Variants in ATG13 observed in about 807,000 individuals in gnomAD.
The protein encoded by ATG13 is autophagy related 13, also known as autophagy-related protein 13.
ATG13 carries 23 observed loss-of-function variants against 65.5 expected under a neutral mutation model. The observed-to-expected ratio is 0.35, with a 90% CI of 0.25 to 0.50. ATG13 has a LOEUF of 0.50. ATG13 is among the 20% of genes least tolerant of loss of function. The pLI is 0.98. For synonymous variants in ATG13, 252 were observed against 245.2 expected (o/e 1.03, Z -0.26); for missense variants, 566 against 677.0 (o/e 0.84, Z 1.82).
chr11:46,649,437 T>C (rs2058452721), intron 6 of ATG13, among the ~76,000 whole-genome samples: 1 of 152,210 alleles, frequency 6.6e-6, no homozygotes. Context: ...CTGAAAAGGC[T>C]TTGTTGTTTT....
rs1442274620 is a variant in ATG13, at chr11:46,656,237, T to C, written c.463T>C (p.Tyr155His). ...CTTATTTTTTCTTCCATACAGGATA[T>C]ATTTTGGAGAAGTTCAGCTGAGTGG... ...GHEYVILYRI[Y>H]FGEVQLSGLG... Residue 155 changes from tyrosine to histidine, a missense_variant, in exon 8 of 19, where the codon TAT (tyrosine) becomes CAT (histidine). Tyr to His is a moderately conservative substitution (Grantham distance 83). Around this residue, in one of 2 missense-constraint regions of ATG13, gnomAD observed 179 missense variants for 267.2 expected, o/e 0.67. Coordinates refer to ENST00000683050, the MANE Select transcript of ATG13 (RefSeq NM_001346311.2). 1 of 1,612,896 alleles carries C rather than the reference T, an allele frequency of 6.2e-7. No homozygotes were observed. Among genetic ancestry groups the C allele is most frequent in the Admixed American group, 1.7e-5 (1 of 60,000 alleles).
intron 13 of ATG13, 80 bp downstream of exon 13, chr11:46,665,039 C>A: frequency 7.4e-7 from 1 of 1,346,648 alleles, no homozygotes; most frequent in Non-Finnish European, 1.0e-6. Context: ...TCTCTCAAGG[C>A]AGAGGGATAT....
intron 12 of ATG13, 45 bp downstream of exon 12, chr11:46,664,140 T>C: frequency 1.5e-6 from 2 of 1,343,340 alleles, no homozygotes; most frequent in Non-Finnish European, 2.1e-6. Context: ...GATGGCATCC[T>C]TTTATTTAAA....
chr11:46,652,343 G>A (rs2136505104), intron 7 of ATG13, among the ~76,000 whole-genome samples: 1 of 152,240 alleles, frequency 6.6e-6, no homozygotes, highest in East Asian at 1.9e-4. Context: ...TAGAGATGTG[G>A]GTGATCTCAG....
chr11:46,656,666 G>A (rs2060101237), intron 8 of ATG13, among the ~76,000 whole-genome samples: 1 of 152,194 alleles, frequency 6.6e-6, no homozygotes, highest in South Asian at 2.1e-4. Flanking sequence ...TGGAGTGGCA[G>A]CTTGGGTGGA....
chr11:46,655,867 A>T (rs1195939040), intron 7 of ATG13, among the ~76,000 whole-genome samples: 1 of 152,110 alleles, frequency 6.6e-6, no homozygotes, highest in East Asian at 1.9e-4. Context: ...CCTCCCAGTT[A>T]TCTGGTACTC....
At chr11:46,642,350 G>C (rs2056333092) in intron 2 of ATG13, among the ~76,000 whole-genome samples, 1 of 125,054 alleles carries the variant, frequency 8.0e-6, no homozygotes, top group African/African-American at 3.0e-5. Context: ...CTGCCACCCA[G>C]GCTGGAGTGC....
intron 8 of ATG13, 168 bp from the exon 9 acceptor site, chr11:46,656,927 A>G: frequency 3.2e-6 from 2 of 633,404 alleles, no homozygotes; most frequent in South Asian, 1.9e-5. Context: ...ATACACGCAC[A>G]TACACACACA....
intron 1 of ATG13, among the ~76,000 whole-genome samples, chr11:46,629,041 CAA>C (rs1242115526): frequency 6.6e-6 from 1 of 151,510 alleles, no homozygotes; most frequent in African/African-American, 2.4e-5. Context: ...CTCCTGGGCT[CAA>C]GAGATCCTCC....
At chr11:46,644,496 T>C in intron 3 of ATG13, 136 bp downstream of exon 3, 1 of 684,538 alleles carries the variant, frequency 1.5e-6, no homozygotes, top group Non-Finnish European at 2.4e-6. Flanking sequence ...CTGTCTGTTG[T>C]CAACCAAACT....
At chr11:46,644,769 G>A (rs1193793250) in intron 3 of ATG13, among the ~76,000 whole-genome samples, 5 of 151,912 alleles carry the variant, frequency 3.3e-5, no homozygotes, top group African/African-American at 1.2e-4. Context: ...TTCCCTTCCT[G>A]GTAAATGAGG....
intron 7 of ATG13, among the ~76,000 whole-genome samples, chr11:46,655,811 C>T (rs1300163719): frequency 6.6e-6 from 1 of 152,154 alleles, no homozygotes; most frequent in Non-Finnish European, 1.5e-5. Flanking sequence ...AATCTTGGCT[C>T]ACTGCAGCGT....
At chr11:46,631,410 A>G (rs546736325) in intron 2 of ATG13, among the ~76,000 whole-genome samples, 85 of 152,330 alleles carry the variant, frequency 5.6e-4, no homozygotes, top group African/African-American at 1.9e-3. Context: ...GATGTAGAGA[A>G]CTTGCTTACC....
rs182025608 is a variant in ATG13 at position 46,653,883 on chromosome 11, A to G, written c.459-2350A>G. 2.8e-3 allele frequency among the ~76,000 whole-genome samples: 422 copies of G among 152,108 alleles called. 2 individuals carry two copies. Among genetic ancestry groups the G allele is most frequent in the African/African-American group, 9.5e-3 (396 of 41,512 alleles). On this transcript the variant is annotated intron_variant, in intron 7 of 18. Transcript: ENST00000683050. Reference sequence around the variant, plus strand: ...CGCGCCTGGCGAAGCTTCTTCATACATTGTTGGAGCTTAGTATTTATTGAA... The same window carrying G: ...CGCGCCTGGCGAAGCTTCTTCATACGTTGTTGGAGCTTAGTATTTATTGAA...
intron 1 of ATG13, among the ~76,000 whole-genome samples, chr11:46,627,666 A>C (rs555331473): frequency 6.6e-6 from 1 of 151,948 alleles, no homozygotes; most frequent in South Asian, 2.1e-4. Context: ...TTTAATAGAG[A>C]TGGGGTTTCT....
At chr11:46,621,399 G>A (rs2047456333) in intron 1 of ATG13, among the ~76,000 whole-genome samples, 1 of 152,186 alleles carries the variant, frequency 6.6e-6, no homozygotes, top group Admixed American at 6.5e-5. Context: ...CTACTTCAGA[G>A]TTAGGGGGAA....
chr11:46,662,170 TTTG>T lies in ATG13; in HGVS notation c.790-1812_790-1810del, dbSNP rs544706592. On this transcript the variant is annotated intron_variant, in intron 11 of 18. Coordinates refer to ENST00000683050, the MANE Select transcript of ATG13 (RefSeq NM_001346311.2). ...GTGCACATTAATAGAAGCAGGGTTT[TTTG>T]TTGTTGTTGTTGTTTTTAGGTAATT... is the stretch of plus-strand genomic sequence containing the variant. Among the ~76,000 whole-genome samples the T allele has an allele frequency of 2.0e-3, 298 of 152,318 alleles. 2 individuals are homozygous for T. Among genetic ancestry groups the T allele is most frequent in the Non-Finnish European group, 3.5e-3 (241 of 68,026 alleles).
intron 2 of ATG13, among the ~76,000 whole-genome samples, chr11:46,642,943 G>T (rs1270251593): frequency 2.6e-5 from 4 of 152,208 alleles, no homozygotes; most frequent in African/African-American, 9.6e-5. Context: ...CTCTGCAAAG[G>T]AATTTGGAGG....
At chr11:46,645,497 TAAG>T (rs2057300148) in intron 4 of ATG13, 78 bp downstream of exon 4, 1 of 1,178,186 alleles carries the variant, frequency 8.5e-7, no homozygotes, top group Non-Finnish European at 1.2e-6. Flanking sequence ...AGTGCAATAA[TAAG>T]TAATACCATT....
Sources: allele counts gnomAD v4.1 joint callset (sites outside exome capture counted in the v4.1 genomes callset), GRCh38; gene constraint gnomAD v4.1.1; regional missense constraint gnomAD v4.1.1; transcripts MANE v1.5; gene names NCBI Gene and HGNC (gene_info 2026-07-23, HGNC 2026-07-21).